Variants in GNAL observed in about 807,000 individuals in gnomAD.
GNAL encodes guanine nucleotide-binding protein G(olf) subunit alpha.
A neutral mutation model predicts 55.1 loss-of-function variants in GNAL; 18 were observed. The ratio of observed to expected loss-of-function variants is 0.33; its 90% CI spans 0.23 to 0.48. GNAL has a LOEUF of 0.48. Ranked by LOEUF, GNAL falls within the 20% of genes least tolerant of loss-of-function variation. The probability of loss-of-function intolerance (pLI) is 0.99; values close to 1 mark genes in which losing one functional copy is unlikely to be tolerated. For synonymous variants in GNAL, 253 were observed against 237.0 expected (o/e 1.07, Z -0.62); for missense variants, 412 against 614.1 (o/e 0.67, Z 3.48).
In GNAL at chr18:11,759,800, T is replaced by C. The variant is rs144007686; in HGVS notation, c.624+5855T>C. On this transcript the variant is annotated intron_variant, in intron 4 of 11. Coordinates refer to ENST00000334049, the MANE Select transcript of GNAL (RefSeq NM_182978.4). ...GGAGATGTGTGCAGAATCTCCAGAA[T>C]GCGGTCAGATTCTTCCGCACAATAT... is the stretch of plus-strand genomic sequence containing the variant. Among the ~76,000 whole-genome samples the C allele has an allele frequency of 6.8e-3, 1,040 of 152,352 alleles. 14 individuals carry two copies. Among genetic ancestry groups the C allele is most frequent in the African/African-American group, 0.023 (974 of 41,582 alleles).
At position 11,881,434 on chromosome 18, in the gene GNAL, G is replaced by A. The variant is rs957218816; in HGVS notation, c.*299G>A. 1.0e-5 allele frequency: 3 copies of A among 286,086 alleles called. No homozygotes were observed. Among genetic ancestry groups the A allele is most frequent in the Admixed American group, 9.5e-5 (2 of 20,950 alleles). 17.7% of individuals were successfully genotyped at this position (286,086 alleles called of 1,614,324 possible). The stretch of plus-strand genomic sequence containing the variant: ...TTCATTCTCCCTTTATTGATTCATC[G>A]AGGAGAACTTGGTAGATGGGGAGAA... On this transcript the variant is annotated 3_prime_UTR_variant, in exon 12 of 12. Transcript: ENST00000334049. This position sits in a 1 kb window ranked among gnomAD's most constrained non-coding sequence, Gnocchi z 4.8.
intron 4 of GNAL, among the ~76,000 whole-genome samples, chr18:11,798,192 A>G (rs546471646): frequency 7.9e-5 from 12 of 152,326 alleles, no homozygotes; most frequent in African/African-American, 2.6e-4. Context: ...ACACAGTGAG[A>G]CACCATCTCT....
At chr18:11,711,435 T>C (rs1003049103) in intron 1 of GNAL, among the ~76,000 whole-genome samples, 2 of 152,162 alleles carry the variant, frequency 1.3e-5, no homozygotes, top group Middle Eastern at 3.2e-3. Flanking sequence ...ACTAGATAAT[T>C]TCAAATGACC....
chr18:11,798,133 T>C (rs2034437831), intron 4 of GNAL, among the ~76,000 whole-genome samples: 1 of 152,186 alleles, frequency 6.6e-6, no homozygotes, highest in Admixed American at 6.5e-5. Context: ...CTCTGGAGGC[T>C]GAGGCAGGAG....
Position 11,884,876 on chromosome 18 carries a change from G to A in GNAL, c.*3741G>A, listed in dbSNP as rs1303176563. ...CTGAGTGGAAAATGTCTGGGACACT[G>A]ACCTGTCAAAACTGGCCCCTGGCTC... On this transcript the variant is annotated 3_prime_UTR_variant, in exon 12 of 12. Coordinates refer to ENST00000334049, the MANE Select transcript of GNAL (RefSeq NM_182978.4). 2.8e-5 allele frequency: 37 copies of A among 1,340,790 alleles called. No homozygotes were observed. The highest frequency in any genetic ancestry group is 3.6e-5 in the Non-Finnish European group (37 of 1,040,202). 83.1% of individuals were successfully genotyped at this position (1,340,790 alleles called of 1,614,324 possible). A position where few individuals can be genotyped will look rare whatever the true frequency, so the allele number is the denominator to read the frequency against.
intron 1 of GNAL, among the ~76,000 whole-genome samples, chr18:11,749,830 G>A (rs1368251534): frequency 1.3e-5 from 2 of 152,176 alleles, no homozygotes; most frequent in Middle Eastern, 3.2e-3. Context: ...GACACAAGCA[G>A]CACATGCACC....
At chr18:11,861,227 G>A (rs1185743538) in intron 5 of GNAL, among the ~76,000 whole-genome samples, 1 of 152,234 alleles carries the variant, frequency 6.6e-6, no homozygotes, top group Non-Finnish European at 1.5e-5. Context: ...CACCAACAGA[G>A]AGCCTGGGCC....
intron 4 of GNAL, among the ~76,000 whole-genome samples, chr18:11,812,192 G>A (rs1773347873): frequency 6.6e-6 from 1 of 152,198 alleles, no homozygotes; most frequent in African/African-American, 2.4e-5. Flanking sequence ...TCTGTACTGT[G>A]GGAACTGATT....
At chr18:11,699,371 T>G (rs896389592) in intron 1 of GNAL, among the ~76,000 whole-genome samples, 24 of 142,528 alleles carry the variant, frequency 1.7e-4, no homozygotes, top group South Asian at 8.7e-4. Flanking sequence ...ATTTTTGGGG[T>G]TTTTTTTTTA....
intron 4 of GNAL, among the ~76,000 whole-genome samples, chr18:11,787,239 A>G (rs2034086220): frequency 6.6e-6 from 1 of 152,194 alleles, no homozygotes; most frequent in Non-Finnish European, 1.5e-5. Flanking sequence ...AGGAAAAGGA[A>G]AGCAAGAACC....
At chr18:11,798,394 T>C (rs1252006999) in intron 4 of GNAL, among the ~76,000 whole-genome samples, 1 of 152,212 alleles carries the variant, frequency 6.6e-6, no homozygotes, top group African/African-American at 2.4e-5. Context: ...CCAGAGTGCC[T>C]CTTTTCCTAT....
At chr18:11,716,348 G>A (rs1418293687) in intron 1 of GNAL, among the ~76,000 whole-genome samples, 16 of 152,150 alleles carry the variant, frequency 1.1e-4, no homozygotes, top group Admixed American at 1.0e-3. Flanking sequence ...TGGTCTCACT[G>A]GCTTCAGGAG....
chr18:11,716,936 C>CGGTTGTG (rs1409635344), intron 1 of GNAL, among the ~76,000 whole-genome samples: 18 of 152,226 alleles, frequency 1.2e-4, no homozygotes, highest in African/African-American at 4.3e-4. Flanking sequence ...CAGTCCCGCA[C>CGGTTGTG]GGTTGTGCCC....
At chr18:11,822,023 A>C (rs1395276205) in intron 4 of GNAL, among the ~76,000 whole-genome samples, 1 of 152,212 alleles carries the variant, frequency 6.6e-6, no homozygotes, top group African/African-American at 2.4e-5. Flanking sequence ...ATCTGATAGG[A>C]GCCTCAGTTT....
chr18:11,793,364 C>T (rs929970191), intron 4 of GNAL, among the ~76,000 whole-genome samples: 5 of 151,608 alleles, frequency 3.3e-5, no homozygotes, highest in Admixed American at 3.3e-4. Flanking sequence ...TCTCTTGAGC[C>T]CAGGAGTTTG....
intron 11 of GNAL, 124 bp downstream of exon 11, chr18:11,876,812 G>T: frequency 1.4e-6 from 1 of 700,164 alleles, no homozygotes; most frequent in South Asian, 1.6e-5. Flanking sequence ...GATGACAAAG[G>T]GTATGTTACT....
At chr18:11,814,247 G>A (rs1319462298) in intron 4 of GNAL, among the ~76,000 whole-genome samples, 1 of 152,180 alleles carries the variant, frequency 6.6e-6, no homozygotes, top group Non-Finnish European at 1.5e-5. Context: ...ACACTGGGCC[G>A]GGCACGGTGG....
intron 5 of GNAL, among the ~76,000 whole-genome samples, chr18:11,840,236 G>A (rs989747389): frequency 6.6e-6 from 1 of 152,198 alleles, no homozygotes; most frequent in Non-Finnish European, 1.5e-5. Flanking sequence ...TTGTGAAAAT[G>A]CAGTGCTCTG....
At chr18:11,795,021 T>C (rs113105035) in intron 4 of GNAL, among the ~76,000 whole-genome samples, 1 of 152,036 alleles carries the variant, frequency 6.6e-6, no homozygotes, top group Non-Finnish European at 1.5e-5. Flanking sequence ...TTTTGTATTT[T>C]TAGTAGAGAC....
Sources: gnomAD v4.1 joint callset for allele counts (sites outside exome capture counted in the v4.1 genomes callset) on GRCh38, gnomAD v4.1.1 for gene constraint, Gnocchi (gnomAD v3.1) non-coding constraint, MANE v1.5 for transcripts, NCBI Gene and HGNC (gene_info 2026-07-23, HGNC 2026-07-21) for gene names.